BRD10: variants seen among roughly 807,000 people sequenced by gnomAD.
BRD10 encodes the protein bromodomain containing 10, also known as uncharacterized bromodomain-containing protein 10.
the BRD10 span, among the ~76,000 whole-genome samples, chr9:5,975,300 G>C: frequency 3.9e-4 from 60 of 151,974 alleles, no homozygotes; most frequent in African/African-American, 1.4e-3. Context: ...TTAGCTGGGC[G>C]TGGTGGTGCA....
the BRD10 span, among the ~76,000 whole-genome samples, chr9:5,985,346 G>C: frequency 6.6e-6 from 1 of 152,074 alleles, no homozygotes; most frequent in African/African-American, 2.4e-5. Flanking sequence ...AGATTCCTTA[G>C]GTAGGTCCAC....
At chr9:5,984,002 CA>C in the BRD10 span, among the ~76,000 whole-genome samples, 1 of 151,164 alleles carries the variant, frequency 6.6e-6, no homozygotes, top group South Asian at 2.1e-4. Flanking sequence ...CACACACACA[CA>C]CACCCCTCTC....
chr9:5,934,097 A>G, the BRD10 span, among the ~76,000 whole-genome samples: 17 of 150,232 alleles, frequency 1.1e-4, no homozygotes, highest in Admixed American at 1.1e-3. Flanking sequence ...AAAAAATTAA[A>G]ATCATATAAA....
chr9:5,909,221 A>T, the BRD10 span: 1 of 153,182 alleles, frequency 6.5e-6, no homozygotes, highest in Non-Finnish European at 1.5e-5. Context: ...TTGTGCTCTA[A>T]AATTCTATTA....
chr9:5,919,953 C>T, the BRD10 span: 5 of 1,613,782 alleles, frequency 3.1e-6, no homozygotes, highest in South Asian at 2.2e-5. Context: ...GATGTCTTAG[C>T]CAAAAGAGTA....
At chr9:5,991,944 C>T in the BRD10 span, among the ~76,000 whole-genome samples, 72 of 152,298 alleles carry the variant, frequency 4.7e-4, no homozygotes, top group African/African-American at 1.6e-3. Flanking sequence ...CATACCAACA[C>T]AACTGTTTCC....
At chr9:5,910,704 G>T in the BRD10 span, 2 of 152,246 alleles carry the variant, frequency 1.3e-5, no homozygotes, top group Admixed American at 6.5e-5. Context: ...GACTTGGGCT[G>T]AGTCTGCCAG....
the BRD10 span, among the ~76,000 whole-genome samples, chr9:5,914,863 G>C: frequency 1.2e-4 from 18 of 151,914 alleles, no homozygotes; most frequent in Non-Finnish European, 2.2e-4. Context: ...AATTTTGTAC[G>C]ATCATGGAGA....
chr9:5,916,093 G>A, the BRD10 span, among the ~76,000 whole-genome samples: 1 of 152,154 alleles, frequency 6.6e-6, no homozygotes, highest in Admixed American at 6.5e-5. Context: ...GTAAATGCTT[G>A]CTGAATAAAT....
the BRD10 span, among the ~76,000 whole-genome samples, chr9:6,006,911 C>G: frequency 6.6e-6 from 1 of 152,240 alleles, no homozygotes; most frequent in African/African-American, 2.4e-5. Context: ...ACGTGCAATT[C>G]TTCCTACGGG....
At chr9:5,981,981 A>G in the BRD10 span, among the ~76,000 whole-genome samples, 8 of 152,212 alleles carry the variant, frequency 5.3e-5, no homozygotes, top group East Asian at 1.5e-3. Flanking sequence ...ACCACTAAAG[A>G]ACTTATTTAT....
chr9:5,942,296 T>A, the BRD10 span, among the ~76,000 whole-genome samples: 2 of 152,098 alleles, frequency 1.3e-5, no homozygotes, highest in African/African-American at 4.8e-5. Context: ...GTCAGGGAAG[T>A]TTTTCCATTA....
the BRD10 span, chr9:5,897,468 C>A: frequency 8.1e-7 from 1 of 1,235,788 alleles, no homozygotes; most frequent in Non-Finnish European, 1.2e-6. Context: ...TCGTCAAAGT[C>A]CATATGAAGA....
At chr9:5,982,600 G>A in the BRD10 span, among the ~76,000 whole-genome samples, 7 of 152,212 alleles carry the variant, frequency 4.6e-5, no homozygotes, top group African/African-American at 1.7e-4. Context: ...ACTCTGCAGA[G>A]AGTTGCCATC....
the BRD10 span, among the ~76,000 whole-genome samples, chr9:5,970,512 C>A: frequency 6.6e-6 from 1 of 151,922 alleles, no homozygotes; most frequent in Non-Finnish European, 1.5e-5. Context: ...GTCTTTGTGA[C>A]CTTAGATTAG....
At chr9:5,944,722 C>T in the BRD10 span, 1 of 492,668 alleles carries the variant, frequency 2.0e-6, no homozygotes, top group Non-Finnish European at 3.6e-6. Flanking sequence ...CTAGACCACA[C>T]AGGAGAAATA....
the BRD10 span, among the ~76,000 whole-genome samples, chr9:5,912,383 G>A: frequency 6.6e-6 from 1 of 151,840 alleles, no homozygotes; most frequent in Non-Finnish European, 1.5e-5. Flanking sequence ...GGTTTAGCTA[G>A]GACTTCTACT....
chr9:5,898,098 C>T, the BRD10 span: 3 of 167,248 alleles, frequency 1.8e-5, no homozygotes, highest in East Asian at 1.5e-4. Context: ...TGGGATGGAG[C>T]GCAGTGGTGA....
chr9:5,912,417 A>T, the BRD10 span, among the ~76,000 whole-genome samples: 1 of 152,072 alleles, frequency 6.6e-6, no homozygotes, highest in Non-Finnish European at 1.5e-5. Flanking sequence ...AGGTGACCCT[A>T]ACCCATCTAA....
Sources: gnomAD v4.1 joint callset for allele counts (sites outside exome capture counted in the v4.1 genomes callset) on GRCh38, gnomAD v4.1.1 for gene constraint, MANE v1.5 for transcripts, NCBI Gene and HGNC (gene_info 2026-07-23, HGNC 2026-07-21) for gene names.